Variants in EMC2 observed in about 807,000 individuals in gnomAD.
The protein encoded by EMC2 is ER membrane protein complex subunit 2, also known as TPR repeat protein 35.
A neutral mutation model predicts 51.6 loss-of-function variants in EMC2; 37 were observed. The observed-to-expected ratio is 0.72, with a 90% CI of 0.55 to 0.94. The LOEUF (loss-of-function observed/expected upper bound fraction) is 0.94, where lower values mean the gene tolerates loss of function less well. Ranked by LOEUF, EMC2 falls within the 40% of genes least tolerant of loss-of-function variation. The pLI is 0.00. For missense variants in EMC2, 359 were observed against 350.9 expected, an observed-to-expected ratio of 1.02 and a Z score of -0.18; for synonymous variants, 131 against 112.4, an observed-to-expected ratio of 1.17 and a Z score of -1.04.
chr8:108,462,577 C>T (rs1181911050), intron 5 of EMC2, among the ~76,000 whole-genome samples: 1 of 152,182 alleles, frequency 6.6e-6, no homozygotes, highest in East Asian at 1.9e-4. Flanking sequence ...GCTTTTTATT[C>T]ATCTGTACCC....
intron 5 of EMC2, among the ~76,000 whole-genome samples, chr8:108,467,118 A>G (rs1810737848): frequency 6.6e-6 from 1 of 152,108 alleles, no homozygotes; most frequent in South Asian, 2.1e-4. Flanking sequence ...AAAATTTGTG[A>G]TGTATTCATT....
intron 5 of EMC2, among the ~76,000 whole-genome samples, chr8:108,461,992 A>G (rs1372949167): frequency 6.6e-6 from 1 of 152,054 alleles, no homozygotes; most frequent in Non-Finnish European, 1.5e-5. Flanking sequence ...TATTTTTAGT[A>G]GAGATGGGGT....
chr8:108,472,918 TTCCCAGGCTAGACTTGA>T (rs1036737365), intron 7 of EMC2, among the ~76,000 whole-genome samples: 11 of 151,986 alleles, frequency 7.2e-5, no homozygotes, highest in African/African-American at 2.2e-4. Flanking sequence ...TCTACAACAT[TTCCCAGGCTAGACTTGA>T]GCTCCTGGGC....
intron 1 of EMC2, among the ~76,000 whole-genome samples, chr8:108,444,101 T>G (rs1229666810): frequency 2.0e-5 from 3 of 152,156 alleles, no homozygotes; most frequent in Non-Finnish European, 4.4e-5. Context: ...CTTTACTAAG[T>G]GGTGTGTAAG....
chr8:108,469,120 A>T (rs2130386048), intron 5 of EMC2, among the ~76,000 whole-genome samples: 1 of 152,146 alleles, frequency 6.6e-6, no homozygotes, highest in East Asian at 1.9e-4. Context: ...TTTATTTGAT[A>T]CGTTTTTGTC....
At chr8:108,450,219 A>G (rs1351743088) in intron 2 of EMC2, among the ~76,000 whole-genome samples, 1 of 152,182 alleles carries the variant, frequency 6.6e-6, no homozygotes, top group Non-Finnish European at 1.5e-5. Context: ...AAAACTATTA[A>G]ATAATTGGAG....
chr8:108,449,969 A>G (rs1282643773), intron 2 of EMC2, 33 bp downstream of exon 2: 3 of 840,094 alleles, frequency 3.6e-6, no homozygotes, highest in Middle Eastern at 4.9e-4. Flanking sequence ...GGCTCAGTAC[A>G]TGCCTCATTC....
chr8:108,466,596 C>T (rs1198389036), intron 5 of EMC2, among the ~76,000 whole-genome samples: 2 of 151,662 alleles, frequency 1.3e-5, no homozygotes, highest in African/African-American at 2.4e-5. Context: ...GTACTACAGG[C>T]GTGTACCACC....
intron 10 of EMC2, among the ~76,000 whole-genome samples, chr8:108,482,198 T>TG (rs1811055259): frequency 6.6e-6 from 1 of 152,220 alleles, no homozygotes; most frequent in South Asian, 2.1e-4. Flanking sequence ...TTCTGGTACA[T>TG]GTGTAGAGTG....
chr8:108,464,764 C>G (rs189958077), intron 5 of EMC2, among the ~76,000 whole-genome samples: 1 of 152,312 alleles, frequency 6.6e-6, no homozygotes, highest in East Asian at 1.9e-4. Flanking sequence ...GAACTGCAGG[C>G]AACAATGCTG....
At chr8:108,451,312 A>G (rs986961574) in intron 3 of EMC2, among the ~76,000 whole-genome samples, 2 of 151,698 alleles carry the variant, frequency 1.3e-5, no homozygotes, top group African/African-American at 2.4e-5. Flanking sequence ...AATGCTTTAC[A>G]TCATGATTTT....
chr8:108,445,098 C>T (rs1035993950), intron 1 of EMC2, among the ~76,000 whole-genome samples: 1 of 152,032 alleles, frequency 6.6e-6, no homozygotes, highest in Non-Finnish European at 1.5e-5. Context: ...TGTATACTAC[C>T]AACAGACAAG....
chr8:108,456,617 G>A (rs939446524), intron 5 of EMC2, among the ~76,000 whole-genome samples: 11 of 152,054 alleles, frequency 7.2e-5, no homozygotes, highest in African/African-American at 2.7e-4. Context: ...TTAATTTAGT[G>A]TAATTTTGAA....
At chr8:108,456,432 A>G (rs1488726724) in intron 5 of EMC2, among the ~76,000 whole-genome samples, 2 of 151,814 alleles carry the variant, frequency 1.3e-5, no homozygotes, top group African/African-American at 4.8e-5. Context: ...ATGTGTTTGC[A>G]TAAAATATTT....
chr8:108,485,845 C>T (rs1794301200), intron 10 of EMC2, among the ~76,000 whole-genome samples: 1 of 151,198 alleles, frequency 6.6e-6, no homozygotes, highest in South Asian at 2.1e-4. Flanking sequence ...TAGTAAAATC[C>T]AATCCCAATT....
At chr8:108,452,575 A>G (rs542161436) in intron 3 of EMC2, among the ~76,000 whole-genome samples, 1 of 152,314 alleles carries the variant, frequency 6.6e-6, no homozygotes, top group South Asian at 2.1e-4. Context: ...TCAAAAAAAA[A>G]TAAGAAAGGT....
intron 5 of EMC2, among the ~76,000 whole-genome samples, chr8:108,459,721 A>AGAGAGAGTGTGTGTGTGTGTGT (rs763020311): frequency 3.1e-4 from 43 of 136,964 alleles, no homozygotes; most frequent in African/African-American, 1.3e-3. Context: ...AGAGAGAGAG[A>AGAGAGAGTGTGTGTGTGTGTGT]GTGTGTGTGT....
chr8:108,444,399 G>T (rs970986535), intron 1 of EMC2, among the ~76,000 whole-genome samples: 4 of 152,192 alleles, frequency 2.6e-5, no homozygotes, highest in African/African-American at 9.7e-5. Context: ...AGTTGATCTA[G>T]AGTGGGATAT....
intron 3 of EMC2, among the ~76,000 whole-genome samples, chr8:108,450,915 T>C (rs1412195895): frequency 6.6e-6 from 1 of 152,050 alleles, no homozygotes; most frequent in Non-Finnish European, 1.5e-5. Flanking sequence ...ATACTAATAA[T>C]GTTTGGCCAG....
Sources: allele counts gnomAD v4.1 joint callset (sites outside exome capture counted in the v4.1 genomes callset), GRCh38; gene constraint gnomAD v4.1.1; transcripts MANE v1.5; gene names NCBI Gene and HGNC (gene_info 2026-07-23, HGNC 2026-07-21).